MYO18B: variants seen among roughly 807,000 people sequenced by gnomAD.
MYO18B encodes the protein unconventional myosin-XVIIIb.
A neutral mutation model predicts 273.0 loss-of-function variants in MYO18B; 204 were observed. The ratio of observed to expected loss-of-function variants is 0.75; its 90% CI spans 0.67 to 0.84. The LOEUF (loss-of-function observed/expected upper bound fraction) is 0.84. MYO18B is among the 40% of genes least tolerant of loss of function. MYO18B has a pLI of 0.00. For synonymous variants in MYO18B, 1,330 were observed against 1,305.7 expected, an observed-to-expected ratio of 1.02 and a Z score of -0.40; for missense variants, 3,212 against 3,287.6, an observed-to-expected ratio of 0.98 and a Z score of 0.56.
intron 25 of MYO18B, among the ~76,000 whole-genome samples, chr22:25,887,727 G>A (rs2285197): frequency 0.34 from 51,310 of 151,936 alleles, 8,848 homozygotes; most frequent in East Asian, 0.44. Flanking sequence ...GGGATTTATG[G>A]GGACAGGGGA....
intron 34 of MYO18B, among the ~76,000 whole-genome samples, chr22:25,931,075 A>G (rs2092492429): frequency 1.3e-5 from 2 of 152,008 alleles, no homozygotes; most frequent in Non-Finnish European, 2.9e-5. Flanking sequence ...CCTGGGGAAC[A>G]TTTTTCCCCA....
intron 15 of MYO18B, among the ~76,000 whole-genome samples, chr22:25,830,095 T>A (rs948748856): frequency 1.3e-5 from 2 of 152,074 alleles, no homozygotes; most frequent in Non-Finnish European, 2.9e-5. Context: ...AGTTGAATAA[T>A]ATAGAATAAT....
Position 25,911,161 on chromosome 22 carries a change from T to C in MYO18B, c.5364+111T>C, listed in dbSNP as rs1047033212. The C allele has an allele frequency of 6.3e-6, 5 of 791,726 alleles. No individual in the cohort carries two copies. The African/African-American group carries it at 6.9e-5, about 11-fold the overall frequency. The allele number at this position is 791,726 out of a possible 1,614,324, so 49.0% of individuals were successfully genotyped here. On this transcript the variant is annotated intron_variant, in intron 33 of 43. Coordinates refer to ENST00000335473, the MANE Select transcript of MYO18B (RefSeq NM_032608.7). ...GATACCCTCTCCTCCATCAGCTCTG[T>C]TCCCACCATATTCACTGGCTCTTCA... is the stretch of plus-strand genomic sequence containing the variant.
intron 11 of MYO18B, among the ~76,000 whole-genome samples, chr22:25,797,268 C>T (rs1279883318): frequency 6.6e-6 from 1 of 152,144 alleles, no homozygotes; most frequent in Non-Finnish European, 1.5e-5. Context: ...CGTCGACCAC[C>T]TATTGTCTCC....
intron 21 of MYO18B, 88 bp from the exon 22 acceptor site, chr22:25,868,232 C>A: frequency 1.8e-6 from 2 of 1,102,570 alleles, no homozygotes; most frequent in Non-Finnish European, 1.3e-6. Context: ...TCCGTCCTGG[C>A]GCATCAGCCA....
intron 20 of MYO18B, 150 bp from the exon 21 acceptor site, chr22:25,851,320 A>T (rs2090420247): frequency 3.3e-6 from 2 of 609,492 alleles, no homozygotes; most frequent in Admixed American, 5.7e-5. Flanking sequence ...AAATGGAGAA[A>T]CTAAGGTCCC....
intron 40 of MYO18B, among the ~76,000 whole-genome samples, chr22:25,996,162 A>G (rs1464541553): frequency 6.6e-6 from 1 of 152,140 alleles, no homozygotes; most frequent in Non-Finnish European, 1.5e-5. Context: ...AAGTTATTCA[A>G]CCTCTCTGAG....
At chr22:26,061,986 A>C in the MYO18B span, among the ~76,000 whole-genome samples, 1 of 152,230 alleles carries the variant, frequency 6.6e-6, no homozygotes, top group Non-Finnish European at 1.5e-5. Flanking sequence ...GAGCCTTTAA[A>C]ATAAGAGGCA....
chr22:25,982,382 G>T (rs760211676), intron 39 of MYO18B, among the ~76,000 whole-genome samples: 5 of 152,210 alleles, frequency 3.3e-5, no homozygotes, highest in Admixed American at 6.5e-5. Flanking sequence ...CCAAAGCCCT[G>T]GCTGGCATTT....
At chr22:25,974,480 A>T (rs1419709763) in intron 39 of MYO18B, among the ~76,000 whole-genome samples, 2 of 152,232 alleles carry the variant, frequency 1.3e-5, no homozygotes, top group Admixed American at 6.5e-5. Flanking sequence ...ACAATTTTAG[A>T]ACTTTAGGAT....
At chr22:26,025,943 C>T (rs1347588548) in intron 42 of MYO18B, among the ~76,000 whole-genome samples, 3 of 152,154 alleles carry the variant, frequency 2.0e-5, no homozygotes, top group African/African-American at 4.8e-5. Flanking sequence ...TTACCTACAC[C>T]GTCACCCCAT....
rs1320707452 is a variant in MYO18B, at chr22:25,768,677, A to G, written c.761A>G (p.Lys254Arg). The change falls in exon 4 of 44, where the codon AAA (lysine) becomes AGA (arginine). Residue 254 changes from lysine to arginine, a missense_variant. Lys to Arg is a conservative substitution (Grantham distance 26, BLOSUM62 2). Transcript: ENST00000335473. ...GGGACCCCCAAGACCACAGAGCTGA[A>G]AGAGGCTGAGCCCCAGGGCAAAGAC... ...GLGTPKTTEL[K>R]EAEPQGKDRQ... 1.3e-6 allele frequency: 2 copies of G among 1,550,630 alleles called. No individual in the cohort carries two copies. The highest frequency in any genetic ancestry group is 1.7e-6 in the Non-Finnish European group (2 of 1,152,614).
chr22:26,017,092 CCTCCCTCA>C (rs1444142345), intron 42 of MYO18B, among the ~76,000 whole-genome samples: 8 of 140,224 alleles, frequency 5.7e-5, no homozygotes, highest in African/African-American at 8.3e-5. Context: ...CCTCTCCCTC[CCTCCCTCA>C]CTCACTCACT....
At position 25,761,073 on chromosome 22, in the gene MYO18B, GGCC is replaced by G; in HGVS notation, c.-19_-17del. The G allele has an allele frequency of 6.2e-7, 1 of 1,613,154 alleles. No individual in the cohort carries two copies. On this transcript the variant is annotated 5_prime_UTR_variant, in exon 2 of 44. Transcript: ENST00000335473. ...GCTCCATCTCATCTCATCATCTCAC[GGCC>G]CTGGCACTGCCTCAGCATGGCCATC... is the stretch of plus-strand genomic sequence containing the variant.
intron 12 of MYO18B, 25 bp from the exon 13 acceptor site, chr22:25,823,480 C>T (rs377031205): frequency 4.4e-6 from 7 of 1,608,780 alleles, no homozygotes; most frequent in South Asian, 3.3e-5. Flanking sequence ...CTCACTGCCA[C>T]GCCTCTGTTT....
intron 15 of MYO18B, among the ~76,000 whole-genome samples, chr22:25,829,730 C>T (rs868690936): frequency 2.6e-5 from 4 of 151,832 alleles, no homozygotes; most frequent in Non-Finnish European, 5.9e-5. Context: ...CCCAGCTACT[C>T]GAGAGGCTGA....
At chr22:25,806,899 T>C (rs1279806109) in intron 12 of MYO18B, among the ~76,000 whole-genome samples, 1 of 152,198 alleles carries the variant, frequency 6.6e-6, no homozygotes, top group Non-Finnish European at 1.5e-5. Flanking sequence ...TTTCATCTCG[T>C]TGGACCTCAG....
At chr22:25,962,352 G>A (rs1249206623) in intron 39 of MYO18B, among the ~76,000 whole-genome samples, 2 of 152,206 alleles carry the variant, frequency 1.3e-5, no homozygotes, top group African/African-American at 4.8e-5. Flanking sequence ...CCTGAGAGAA[G>A]ACTTTACTTG....
At chr22:25,837,360 A>G (rs939273852) in intron 17 of MYO18B, among the ~76,000 whole-genome samples, 11 of 152,152 alleles carry the variant, frequency 7.2e-5, no homozygotes, top group African/African-American at 2.7e-4. Context: ...GGGAGGCAGG[A>G]GGGAAAGCCA....
Sources: allele counts gnomAD v4.1 joint callset (sites outside exome capture counted in the v4.1 genomes callset), GRCh38; gene constraint gnomAD v4.1.1; transcripts MANE v1.5; gene names NCBI Gene and HGNC (gene_info 2026-07-23, HGNC 2026-07-21).